The following C2CD3 variants were observed in gnomAD, a reference collection of about 807,000 sequenced individuals.
C2CD3 encodes C2 domain-containing protein 3.
A neutral mutation model predicts 234.0 loss-of-function variants in C2CD3; 148 were observed. That is an observed-to-expected ratio of 0.63 (90% CI 0.55 to 0.72). C2CD3 has a LOEUF of 0.72. Ranked by LOEUF, C2CD3 falls within the 30% of genes least tolerant of loss-of-function variation. C2CD3 has a pLI of 0.00. For synonymous variants in C2CD3, 1,000 were observed against 1,035.4 expected, an observed-to-expected ratio of 0.97 and a Z score of 0.66; for missense variants, 2,577 against 2,811.5, an observed-to-expected ratio of 0.92 and a Z score of 1.89.
Position 74,093,910 on chromosome 11 carries a change from G to A in C2CD3, c.3250C>T (p.Pro1084Ser), listed in dbSNP as rs764688181. 1 of 1,614,042 alleles carries A rather than the reference G, an allele frequency of 6.2e-7. No homozygotes were observed. Among genetic ancestry groups the A allele is most frequent in the Admixed American group, 1.7e-5 (1 of 60,022 alleles). Residue 1084 changes from proline to serine, a missense_variant, in exon 18 of 33, where the codon CCA becomes TCA. By Grantham distance (74) the Pro-to-Ser change is moderately conservative. Coordinates refer to ENST00000334126, the MANE Select transcript of C2CD3 (RefSeq NM_001286577.2). Reference protein sequence around the residue: ...NSEHHHSLLLPAEVPVQRLLL... With the variant: ...NSEHHHSLLLSAEVPVQRLLL... ...AGCCTTTGCACTGGAACCTCAGCTG[G>A]CAACAGGAGAGAGTGATGGTGTTCA...
At chr11:74,141,721 A>G (rs936155542) in intron 3 of C2CD3, among the ~76,000 whole-genome samples, 12 of 152,106 alleles carry the variant, frequency 7.9e-5, no homozygotes, top group African/African-American at 2.7e-4. Flanking sequence ...AGAGGACTAA[A>G]ACAGGGACTC....
rs542794098 is a variant in C2CD3, at chr11:74,128,142, C to T, written c.1217+4702G>A. The stretch of plus-strand genomic sequence containing the variant: ...CCTCCCAAAGTGCCGGGATCACAGG[C>T]GTGAGCCACCACGCCCAGCCATATT... On this transcript the variant is annotated intron_variant, in intron 7 of 32. Transcript: ENST00000334126. 3.5e-3 allele frequency among the ~76,000 whole-genome samples: 527 copies of T among 152,314 alleles called. 3 individuals carry two copies. The highest frequency in any genetic ancestry group is 5.5e-3 in the Non-Finnish European group (373 of 68,028).
At chr11:74,039,045 G>A (rs1048897542) in intron 29 of C2CD3, among the ~76,000 whole-genome samples, 1 of 152,118 alleles carries the variant, frequency 6.6e-6, no homozygotes, top group African/African-American at 2.4e-5. Flanking sequence ...TCTATCACTA[G>A]AGGCCAAGAC....
chr11:74,083,112 G>T (rs1172659665), intron 22 of C2CD3, among the ~76,000 whole-genome samples: 1 of 151,696 alleles, frequency 6.6e-6, no homozygotes, highest in Non-Finnish European at 1.5e-5. Flanking sequence ...CCAATAGACA[G>T]AACAGAGGCC....
intron 27 of C2CD3, 79 bp from the exon 28 acceptor site, chr11:74,048,417 A>AC: frequency 6.9e-7 from 1 of 1,439,002 alleles, no homozygotes; most frequent in Non-Finnish European, 9.5e-7. Flanking sequence ...ATAAGTTTGT[A>AC]AAATTTATTG....
intron 30 of C2CD3, 111 bp downstream of exon 30, chr11:74,037,367 C>A (rs966012629): frequency 4.9e-5 from 38 of 782,646 alleles, no homozygotes; most frequent in South Asian, 9.9e-5. Context: ...AGGGTGAAAA[C>A]AATTGGTCTC....
At chr11:74,145,317 G>A (rs1455005255) in intron 3 of C2CD3, among the ~76,000 whole-genome samples, 2 of 152,110 alleles carry the variant, frequency 1.3e-5, no homozygotes, top group African/African-American at 4.8e-5. Flanking sequence ...CTAATGATTA[G>A]TGATATTGGG....
chr11:74,111,457 C>A (rs942316296), intron 11 of C2CD3, among the ~76,000 whole-genome samples: 1 of 152,030 alleles, frequency 6.6e-6, no homozygotes, highest in African/African-American at 2.4e-5. Flanking sequence ...ATAAAATTAC[C>A]TTCAGGCTAT....
At chr11:74,087,838 C>T (rs1955710072) in intron 20 of C2CD3, among the ~76,000 whole-genome samples, 1 of 152,154 alleles carries the variant, frequency 6.6e-6, no homozygotes, top group Admixed American at 6.5e-5. Context: ...AGCTTCACGG[C>T]ATTTAAAGAC....
intron 26 of C2CD3, among the ~76,000 whole-genome samples, chr11:74,053,810 A>G (rs1005948627): frequency 5.3e-5 from 8 of 152,322 alleles, no homozygotes; most frequent in Admixed American, 4.6e-4. Flanking sequence ...TATAATTTTT[A>G]AGTACTTGAA....
Position 74,133,553 on chromosome 11 carries a change from C to A in C2CD3, c.960G>T (p.Leu320=). ...TACGCAGTTTATTGCCTTGTTCTAA[C>A]AGAGCTGAAGAGGGTAAATGCAGAA... The part of the protein sequence containing the change: ...NLPTKDLLSA[L]LEQGNKLRNA... The change falls in exon 6 of 33, where the codon CTG becomes CTT. Residue 320 remains leucine (L), a synonymous_variant. Transcript: ENST00000334126. 6.2e-7 allele frequency: 1 copy of A among 1,613,972 alleles called. No homozygotes were observed. Among genetic ancestry groups the A allele is most frequent in the Non-Finnish European group, 8.5e-7 (1 of 1,179,970 alleles).
At chr11:74,037,863 ACTC>A (rs1386725849) in intron 29 of C2CD3, among the ~76,000 whole-genome samples, 165 bp from the exon 30 acceptor site, 1 of 151,020 alleles carries the variant, frequency 6.6e-6, no homozygotes, top group Admixed American at 6.6e-5. Context: ...CTCATCCTTC[ACTC>A]CTCTGACTAC....
At chr11:74,118,488 T>C (rs1451557939) in intron 8 of C2CD3, 106 bp from the exon 9 acceptor site, 2 of 711,034 alleles carry the variant, frequency 2.8e-6, no homozygotes, top group East Asian at 2.7e-5. Context: ...CATACATCAT[T>C]CTCTTAAAGA....
intron 11 of C2CD3, 26 bp from the exon 12 acceptor site, chr11:74,109,178 C>T (rs528531351): frequency 1.7e-6 from 2 of 1,210,238 alleles, no homozygotes; most frequent in African/African-American, 3.1e-5. Flanking sequence ...GACACACAGA[C>T]ATGTCACACC....
intron 3 of C2CD3, among the ~76,000 whole-genome samples, chr11:74,148,277 T>C (rs1489816571): frequency 6.6e-6 from 1 of 152,088 alleles, no homozygotes; most frequent in African/African-American, 2.4e-5. Flanking sequence ...AGTAAATGTA[T>C]CACATTTCTA....
intron 1 of C2CD3, 71 bp downstream of exon 1, chr11:74,170,667 G>A (rs1021319724): frequency 2.2e-5 from 34 of 1,536,248 alleles, no homozygotes; most frequent in Non-Finnish European, 2.9e-5. Flanking sequence ...GCGGGGGTGC[G>A]GGTCTCCCTA....
intron 8 of C2CD3, among the ~76,000 whole-genome samples, chr11:74,120,538 T>C (rs1957176902): frequency 1.3e-5 from 2 of 152,214 alleles, no homozygotes; most frequent in Admixed American, 6.5e-5. Flanking sequence ...TGATGGACAT[T>C]TGGGTTGGTT....
chr11:74,027,528 A>G (rs1273966378), intron 32 of C2CD3, among the ~76,000 whole-genome samples: 2 of 152,222 alleles, frequency 1.3e-5, no homozygotes, highest in African/African-American at 4.8e-5. Context: ...CACCATAACT[A>G]CCATCTTTAA....
At chr11:74,071,588 A>G (rs73559804) in intron 24 of C2CD3, among the ~76,000 whole-genome samples, 2,837 of 152,360 alleles carry the variant, frequency 0.019, 86 homozygotes, top group African/African-American at 0.065. Context: ...TAATCTCTTC[A>G]AACTATAATC....
Sources: gnomAD v4.1 joint callset for allele counts (sites outside exome capture counted in the v4.1 genomes callset) on GRCh38, gnomAD v4.1.1 for gene constraint, MANE v1.5 for transcripts, NCBI Gene and HGNC (gene_info 2026-07-23, HGNC 2026-07-21) for gene names.